Variants in SNX29 observed in about 807,000 individuals in gnomAD.
SNX29 encodes sorting nexin-29.
Under a neutral mutation model 102.1 loss-of-function variants are expected in SNX29, and 78 were observed. The ratio of observed to expected loss-of-function variants is 0.76; its 90% CI spans 0.64 to 0.92. The LOEUF is 0.92. SNX29 is among the 40% of genes least tolerant of loss of function. The pLI, the probability that SNX29 is intolerant of heterozygous loss-of-function variation, is 0.00. For missense variants in SNX29, 1,280 were observed against 1,061.7 expected, an observed-to-expected ratio of 1.21 and a Z score of -2.86; for synonymous variants, 580 against 414.5, an observed-to-expected ratio of 1.40 and a Z score of -4.85.
chr16:12,418,008 G>A (rs747078813), intron 18 of SNX29, among the ~76,000 whole-genome samples: 10 of 152,098 alleles, frequency 6.6e-5, no homozygotes, highest in Admixed American at 2.0e-4. Flanking sequence ...AGATAAAGCC[G>A]CAGGGCACGT....
intron 3 of SNX29, among the ~76,000 whole-genome samples, chr16:12,017,318 T>G (rs2056881094): frequency 6.6e-6 from 1 of 152,230 alleles, no homozygotes; most frequent in African/African-American, 2.4e-5. Context: ...AGATTGAGTA[T>G]CTTTTCTTAT....
At chr16:12,538,369 C>T (rs567028249) in intron 20 of SNX29, among the ~76,000 whole-genome samples, 61 of 152,230 alleles carry the variant, frequency 4.0e-4, no homozygotes, top group African/African-American at 1.2e-3. Context: ...ACATTACAGG[C>T]GTGAGCCACC....
At chr16:11,988,852 A>G (rs369724648) in intron 1 of SNX29, among the ~76,000 whole-genome samples, 28 of 152,240 alleles carry the variant, frequency 1.8e-4, no homozygotes, top group African/African-American at 4.6e-4. Context: ...ACTGTTATCT[A>G]TGGTTGCTTT....
At chr16:12,507,171 C>G (rs2089416372) in intron 19 of SNX29, among the ~76,000 whole-genome samples, 1 of 152,192 alleles carries the variant, frequency 6.6e-6, no homozygotes, top group Non-Finnish European at 1.5e-5. Flanking sequence ...AGGCTGTAGA[C>G]CTGGTAAGTG....
At position 12,117,050 on chromosome 16, in the gene SNX29, A is replaced by G. The variant is rs536838562; in HGVS notation, c.1403-9583A>G. On this transcript the variant is annotated intron_variant, in intron 11 of 20. Coordinates refer to ENST00000566228, the MANE Select transcript of SNX29 (RefSeq NM_032167.5). ...CGAACCATGGAAACAGGCGTGTTCA[A>G]TACGTGCTTCAATGCGGACGAACCA... 4.4e-5 allele frequency among the ~76,000 whole-genome samples: 6 copies of G among 135,314 alleles called. No homozygotes were observed. The South Asian group carries it at 1.4e-3, about 32-fold the overall frequency. The allele number at this position is 135,314 out of a possible 152,430, so 88.8% of individuals were successfully genotyped here.
intron 18 of SNX29, among the ~76,000 whole-genome samples, chr16:12,404,387 C>G (rs761790951): frequency 6.6e-6 from 1 of 152,086 alleles, no homozygotes; most frequent in East Asian, 1.9e-4. Flanking sequence ...GCCCACAGCT[C>G]GTCTGCATGT....
intron 15 of SNX29, among the ~76,000 whole-genome samples, chr16:12,330,199 G>C (rs1376310986): frequency 6.6e-6 from 1 of 152,212 alleles, no homozygotes; most frequent in Non-Finnish European, 1.5e-5. Flanking sequence ...ATGTGCTCAG[G>C]AAATGGTGGT....
At chr16:12,194,150 T>G (rs2076713189) in intron 13 of SNX29, among the ~76,000 whole-genome samples, 1 of 152,224 alleles carries the variant, frequency 6.6e-6, no homozygotes, top group South Asian at 2.1e-4. Flanking sequence ...TTAGCTCTTC[T>G]TTGATTTCTT....
intron 19 of SNX29, among the ~76,000 whole-genome samples, chr16:12,511,408 G>GC (rs1241102174): frequency 6.6e-6 from 1 of 151,914 alleles, no homozygotes; most frequent in Non-Finnish European, 1.5e-5. Context: ...CAAAGCTGTT[G>GC]CAGGGGTATG....
rs56358290 is a variant in SNX29 at position 12,355,843 on chromosome 16, T to TAA, written c.1783-288_1783-287dup. 6.5e-3 allele frequency among the ~76,000 whole-genome samples: 552 copies of TAA among 85,398 alleles called. 2 individuals carry two copies. Among genetic ancestry groups the TAA allele is most frequent in the South Asian group, 0.012 (20 of 1,736 alleles). The allele number at this position is 85,398 out of a possible 152,430, so 56.0% of individuals were successfully genotyped here. A position where few individuals can be genotyped will look rare whatever the true frequency, so the allele number is the denominator to read the frequency against. On this transcript the variant is annotated intron_variant, in intron 15 of 20. Coordinates refer to ENST00000566228, the MANE Select transcript of SNX29 (RefSeq NM_032167.5). ...TGACCTTGACAGAGCGAGATCTTAT[T>TAA]AAAAAAAAAAAAAAAAAAAAAAAAA... is the stretch of plus-strand genomic sequence containing the variant.
intron 15 of SNX29, among the ~76,000 whole-genome samples, chr16:12,322,227 C>A (rs963112847): frequency 2.6e-5 from 4 of 152,162 alleles, no homozygotes; most frequent in African/African-American, 9.7e-5. Context: ...GTGGGGAGAA[C>A]TCCCTGAGTG....
At chr16:12,369,025 C>A (rs2082586781) in intron 16 of SNX29, among the ~76,000 whole-genome samples, 1 of 152,166 alleles carries the variant, frequency 6.6e-6, no homozygotes, top group Non-Finnish European at 1.5e-5. Flanking sequence ...TGATCTCATT[C>A]TTGGTCTCTT....
At chr16:12,339,712 G>A (rs2081557859) in intron 15 of SNX29, among the ~76,000 whole-genome samples, 2 of 152,214 alleles carry the variant, frequency 1.3e-5, no homozygotes, top group African/African-American at 2.4e-5. Flanking sequence ...CCAAGCTTAT[G>A]TCCTATGAGC....
intron 15 of SNX29, among the ~76,000 whole-genome samples, chr16:12,350,782 G>T (rs2081971771): frequency 1.3e-5 from 2 of 152,156 alleles, no homozygotes; most frequent in South Asian, 4.1e-4. Context: ...AGTCACCGTG[G>T]GCTTTAAAAA....
At chr16:12,189,118 ACT>A (rs2076581672) in intron 13 of SNX29, among the ~76,000 whole-genome samples, 2 of 152,214 alleles carry the variant, frequency 1.3e-5, no homozygotes, top group South Asian at 4.1e-4. Context: ...TCTGCTTTTT[ACT>A]TTTTAATTTT....
At chr16:12,255,189 C>A (rs2078533593) in intron 14 of SNX29, among the ~76,000 whole-genome samples, 1 of 152,014 alleles carries the variant, frequency 6.6e-6, no homozygotes. Context: ...TTCAAGGAAA[C>A]AATCCTGTAT....
intron 14 of SNX29, among the ~76,000 whole-genome samples, chr16:12,219,341 T>C (rs1203323939): frequency 6.6e-6 from 1 of 152,194 alleles, no homozygotes; most frequent in Non-Finnish European, 1.5e-5. Flanking sequence ...GAAATACTCT[T>C]TTAAGCATAC....
At chr16:12,129,591 G>C in intron 12 of SNX29, 39 bp from the exon 13 acceptor site, 1 of 1,579,384 alleles carries the variant, frequency 6.3e-7, no homozygotes, top group Non-Finnish European at 8.6e-7. Flanking sequence ...TGGGGTCTGG[G>C]TTGACAGCTT....
At chr16:11,987,017 C>A (rs934274988) in intron 1 of SNX29, among the ~76,000 whole-genome samples, 7 of 152,184 alleles carry the variant, frequency 4.6e-5, no homozygotes, top group African/African-American at 1.7e-4. Flanking sequence ...CGGATACAGA[C>A]AAGTTCTGGA....
Sources: gnomAD v4.1 joint callset for allele counts (sites outside exome capture counted in the v4.1 genomes callset) on GRCh38, gnomAD v4.1.1 for gene constraint, MANE v1.5 for transcripts, NCBI Gene and HGNC (gene_info 2026-07-23, HGNC 2026-07-21) for gene names.